Variants in RFX2 observed in about 807,000 individuals in gnomAD.
The protein encoded by RFX2 is DNA-binding protein RFX2.
In RFX2, 20 loss-of-function variants were observed where a neutral mutation model predicts 87.8. That is an observed-to-expected ratio of 0.23 (90% CI 0.16 to 0.33). The LOEUF (loss-of-function observed/expected upper bound fraction) is 0.33. Ranked by LOEUF, RFX2 falls within the 10% of genes least tolerant of loss-of-function variation. RFX2 has a pLI of 1.00. For synonymous variants in RFX2, 397 were observed against 431.3 expected, an observed-to-expected ratio of 0.92 and a Z score of 0.98; for missense variants, 767 against 1,012.3, an observed-to-expected ratio of 0.76 and a Z score of 3.29.
intron 1 of RFX2, among the ~76,000 whole-genome samples, chr19:6,094,237 C>A (rs1246677062): frequency 6.6e-6 from 1 of 151,238 alleles, no homozygotes; most frequent in Non-Finnish European, 1.5e-5. Context: ...CTCTTTTTTT[C>A]TTTTTTACAA....
At chr19:6,102,986 C>T (rs1312608683) in intron 1 of RFX2, among the ~76,000 whole-genome samples, 3 of 152,152 alleles carry the variant, frequency 2.0e-5, no homozygotes, top group Non-Finnish European at 4.4e-5. Context: ...ATGAATTACC[C>T]ATCCCCCAGT....
At chr19:6,072,941 G>T in intron 1 of RFX2, 1 of 780,882 alleles carries the variant, frequency 1.3e-6, no homozygotes, top group Admixed American at 1.8e-5. Flanking sequence ...AAACCCAGAG[G>T]TATTGACAAT....
At position 5,997,082 on chromosome 19, in the gene RFX2, G is replaced by T; in HGVS notation, c.1991C>A (p.Thr664Lys). 6.2e-7 allele frequency: 1 copy of T among 1,612,454 alleles called. No individual in the cohort carries two copies. Residue 664 changes from threonine (T) to lysine (K), a missense_variant, in exon 16 of 18, where the codon ACG becomes AAG. By Grantham distance (78) the Thr-to-Lys change is moderately conservative (BLOSUM62 -1). Around this residue, in one of 2 missense-constraint regions of RFX2, gnomAD observed 621 missense variants for 873.0 expected, o/e 0.71. Coordinates refer to ENST00000303657, the MANE Select transcript of RFX2 (RefSeq NM_000635.4). This position sits in a 1 kb window ranked among gnomAD's most constrained non-coding sequence, Gnocchi z 4.2. Reference protein sequence around the residue: ...EHRVAEATGETPIAVMGEFND... With the variant: ...EHRVAEATGEKPIAVMGEFND... ...CACCTCTCCCATCACAGCGATCGGC[G>T]TCTCTCCGGTGGCCTCCGCGACGCG...
In RFX2 at chr19:6,001,049, C is replaced by T. The variant is rs554620787; in HGVS notation, c.1859+766G>A. Among the ~76,000 whole-genome samples the T allele has an allele frequency of 6.6e-6, 1 of 152,320 alleles. No homozygotes were observed. The highest frequency in any genetic ancestry group is 1.9e-4 in the East Asian group (1 of 5,182). ...GCCTTGGCTCCCCTGCCCTGGTCTG[C>T]ACAGGTTAGGTCTGTAGCTTGGAAA... On this transcript the variant is annotated intron_variant, in intron 15 of 17. Transcript: ENST00000303657. The surrounding 1 kb of genome is among the most constrained non-coding windows in gnomAD (Gnocchi z 5.6).
In RFX2 at chr19:6,042,073, C is replaced by A. The variant is rs769743225; in HGVS notation, c.231G>T (p.Gly77=). 1.2e-6 allele frequency: 2 copies of A among 1,614,040 alleles called. No individual in the cohort carries two copies. Among genetic ancestry groups the A allele is most frequent in the Non-Finnish European group, 1.7e-6 (2 of 1,179,996 alleles). ...VYPAQVQYVE[G]GDAVYTNGAI... ...CTCCATTGGTGTAGACGGCGTCTCCCCCTTCCACGTACTGCACCTGGGCAG... is the reference window on the plus strand; with the variant it reads ...CTCCATTGGTGTAGACGGCGTCTCCACCTTCCACGTACTGCACCTGGGCAG... Residue 77 remains glycine, a synonymous_variant, in exon 4 of 18, where the codon GGG becomes GGT. Coordinates refer to ENST00000303657, the MANE Select transcript of RFX2 (RefSeq NM_000635.4).
chr19:6,031,523 A>AGGT lies in RFX2; in HGVS notation c.523-5289_523-5287dup, dbSNP rs201273990. Among the ~76,000 whole-genome samples the AGGT allele has an allele frequency of 5.4e-3, 665 of 124,168 alleles. 8 individuals carry two copies. In the East Asian group the frequency reaches 0.092, roughly 17 times the overall value. The allele number at this position is 124,168 out of a possible 152,430, so 81.5% of individuals were successfully genotyped here. A position where few individuals can be genotyped will look rare whatever the true frequency, so the allele number is the denominator to read the frequency against. On this transcript the variant is annotated intron_variant, in intron 5 of 17. Coordinates refer to ENST00000303657, the MANE Select transcript of RFX2 (RefSeq NM_000635.4). Reference sequence around the variant, plus strand: ...TGGCTCACTGCAACCTTCACCACCCAGGTTCAAGCAATTCTCCTGCCTCAG... The same window carrying AGGT: ...TGGCTCACTGCAACCTTCACCACCCAGGTGGTTCAAGCAATTCTCCTGCCTCAG...
rs1427497603 is a variant in RFX2 at position 6,024,419 on chromosome 19, G to A, written c.597+1744C>T. Among the ~76,000 whole-genome samples the A allele has an allele frequency of 6.6e-6, 1 of 152,218 alleles. No homozygotes were observed. The highest frequency in any genetic ancestry group is 1.5e-5 in the Non-Finnish European group (1 of 68,034). On this transcript the variant is annotated intron_variant, in intron 6 of 17. Coordinates refer to ENST00000303657, the MANE Select transcript of RFX2 (RefSeq NM_000635.4). This position sits in a 1 kb window ranked among gnomAD's most constrained non-coding sequence, Gnocchi z 5.0. ...GACCATGTCCTACCCAGCCTGGAGA[G>A]GGGCGGGGCACTGAGCAGGGGTCTG...
intron 1 of RFX2, among the ~76,000 whole-genome samples, chr19:6,060,910 A>C: frequency 6.6e-6 from 1 of 151,176 alleles, no homozygotes; most frequent in Non-Finnish European, 1.5e-5. Context: ...AAATCACCTG[A>C]CTCCGGCTCC....
At chr19:6,049,698 T>C (rs1391385677) in intron 1 of RFX2, among the ~76,000 whole-genome samples, 1 of 152,132 alleles carries the variant, frequency 6.6e-6, no homozygotes, top group Non-Finnish European at 1.5e-5. Flanking sequence ...CTGGCTAATT[T>C]TTGTATTTTT....
At position 6,012,973 on chromosome 19, in the gene RFX2, G is replaced by T. The variant is rs777286799; in HGVS notation, c.899+13C>A. ...GGGAGAGCCAGCTCCTCCCAGCTCG[G>T]CCCGGCACCCACCTGGGCTTCTGGT... On this transcript the variant is annotated intron_variant, in intron 8 of 17. Transcript: ENST00000303657. This position sits in a 1 kb window ranked among gnomAD's most constrained non-coding sequence, Gnocchi z 4.6. 6.6e-7 allele frequency: 1 copy of T among 1,522,752 alleles called. No homozygotes were observed. Among genetic ancestry groups the T allele is most frequent in the Admixed American group, 2.1e-5 (1 of 46,870 alleles). 94.3% of individuals were successfully genotyped at this position (1,522,752 alleles called of 1,614,324 possible).
In RFX2 at chr19:6,007,751, A is replaced by C; in HGVS notation, c.1186T>G (p.Trp396Gly). Residue 396 changes from tryptophan to glycine, a missense_variant, in exon 11 of 18, where the codon TGG (tryptophan) becomes GGG (glycine). Trp to Gly is a radical substitution (Grantham distance 184). Around this residue, in one of 2 missense-constraint regions of RFX2, gnomAD observed 621 missense variants for 873.0 expected, o/e 0.71. Transcript: ENST00000303657. This position sits in a 1 kb window ranked among gnomAD's most constrained non-coding sequence, Gnocchi z 8.2. ...GCCTTAGAGTTCCAGAAGGAGAGCCACAGCTTCTCGATGTAGTGGAACTGG... is the reference window on the plus strand; with the variant it reads ...GCCTTAGAGTTCCAGAAGGAGAGCCCCAGCTTCTCGATGTAGTGGAACTGG... ...NLQFHYIEKLWLSFWNSKASS... is the reference protein window; with the variant it reads ...NLQFHYIEKLGLSFWNSKASS... The C allele has an allele frequency of 6.4e-7, 1 of 1,556,356 alleles. No homozygotes were observed. The highest frequency in any genetic ancestry group is 1.2e-5 in the South Asian group (1 of 84,414).
chr19:5,994,740 A>G lies in RFX2; in HGVS notation c.*95T>C, dbSNP rs2086379738. 1 of 776,790 alleles carries G rather than the reference A, an allele frequency of 1.3e-6. No homozygotes were observed. The highest frequency in any genetic ancestry group is 2.2e-5 in the Admixed American group (1 of 46,022). The allele number at this position is 776,790 out of a possible 1,614,324, so 48.1% of individuals were successfully genotyped here. On this transcript the variant is annotated 3_prime_UTR_variant, in exon 18 of 18. Transcript: ENST00000303657. ...AGTCAAAGTAAACATCACATCATCT[A>G]AGAGGCACTAATTTGGTGGAGCCGG...
In RFX2 at chr19:6,107,643, AAT is replaced by A. The variant is rs2088239509; in HGVS notation, c.-9+2748_-9+2749del. Among the ~76,000 whole-genome samples the A allele has an allele frequency of 3.3e-5, 5 of 151,116 alleles. No homozygotes were observed. In the East Asian group the frequency reaches 5.8e-4, roughly 18 times the overall value. On this transcript the variant is annotated intron_variant, in intron 1 of 17. Coordinates refer to ENST00000303657, the MANE Select transcript of RFX2 (RefSeq NM_000635.4). Reference sequence around the variant, plus strand: ...AAAAAAAAAAAAAAAAAAAAAAAAAAATCCACAGGTGCATTTAAAATTTTGAC... The same window carrying A: ...AAAAAAAAAAAAAAAAAAAAAAAAAACCACAGGTGCATTTAAAATTTTGAC...
Position 6,024,927 on chromosome 19 carries a change from CGGGAGTCAGGACGGGATCACGGTGAG to C in RFX2, c.597+1210_597+1235del, listed in dbSNP as rs2086866921. 6.7e-6 allele frequency among the ~76,000 whole-genome samples: 1 copy of C among 150,356 alleles called. No homozygotes were observed. The highest frequency in any genetic ancestry group is 6.6e-5 in the Admixed American group (1 of 15,072). On this transcript the variant is annotated intron_variant, in intron 6 of 17. Coordinates refer to ENST00000303657, the MANE Select transcript of RFX2 (RefSeq NM_000635.4). The surrounding 1 kb of genome is among the most constrained non-coding windows in gnomAD (Gnocchi z 5.0). The stretch of plus-strand genomic sequence containing the variant: ...AGTCAGGACGGGATCACGGTGAGGA[CGGGAGTCAGGACGGGATCACGGTGAG>C]GACGGGAGTCAGGACGGGATCACGG...
intron 1 of RFX2, among the ~76,000 whole-genome samples, chr19:6,098,359 T>C (rs1410702148): frequency 6.6e-6 from 1 of 152,026 alleles, no homozygotes; most frequent in Non-Finnish European, 1.5e-5. Context: ...GGGCTCTCCC[T>C]GCACCGAGAC....
intron 1 of RFX2, chr19:6,077,968 A>C (rs1035034757): frequency 2.0e-5 from 3 of 148,592 alleles, no homozygotes; most frequent in African/African-American, 7.7e-5. Flanking sequence ...CAACAAGAGC[A>C]AAATTCCATC....
intron 1 of RFX2, chr19:6,073,037 T>C: frequency 2.0e-6 from 1 of 490,978 alleles, no homozygotes; most frequent in Non-Finnish European, 3.7e-6. Flanking sequence ...TGCAGTGCAG[T>C]GGTGCGATCT....
At position 6,013,968 on chromosome 19, in the gene RFX2, C is replaced by T. The variant is rs923562437; in HGVS notation, c.780-863G>A. On this transcript the variant is annotated intron_variant, in intron 7 of 17. Coordinates refer to ENST00000303657, the MANE Select transcript of RFX2 (RefSeq NM_000635.4). This position sits in a 1 kb window ranked among gnomAD's most constrained non-coding sequence, Gnocchi z 4.1. ...TTACCATTATTATTAACAACTCTTC[C>T]CCACCCCCTTCAATCATCTAGTAAC... Among the ~76,000 whole-genome samples the T allele has an allele frequency of 6.6e-6, 1 of 152,122 alleles. No homozygotes were observed. Among genetic ancestry groups the T allele is most frequent in the African/African-American group, 2.4e-5 (1 of 41,406 alleles).
At chr19:6,095,380 T>G (rs1401623257) in intron 1 of RFX2, among the ~76,000 whole-genome samples, 1 of 152,216 alleles carries the variant, frequency 6.6e-6, no homozygotes, top group Admixed American at 6.5e-5. Context: ...CTCTATTTGG[T>G]GTCCCACAAA....
Sources: gnomAD v4.1 joint callset for allele counts (sites outside exome capture counted in the v4.1 genomes callset) on GRCh38, gnomAD v4.1.1 for gene constraint, gnomAD v4.1.1 regional missense constraint, Gnocchi (gnomAD v3.1) non-coding constraint, MANE v1.5 for transcripts, NCBI Gene and HGNC (gene_info 2026-07-23, HGNC 2026-07-21) for gene names.